OLFM2: variants seen among roughly 807,000 people sequenced by gnomAD.
OLFM2 encodes noelin-2.
In OLFM2, 20 loss-of-function variants were observed where a neutral mutation model predicts 43.9. That is an observed-to-expected ratio of 0.46 (90% CI 0.32 to 0.66). OLFM2 has a LOEUF of 0.66. Among genes scored for constraint, OLFM2 ranks in the 30% least tolerant of loss-of-function variants. The pLI is 0.04. For missense variants in OLFM2, 416 were observed against 643.6 expected (o/e 0.65, Z 3.83); for synonymous variants, 268 against 278.6 (o/e 0.96, Z 0.38).
chr19:9,918,724 G>A (rs1394996630), intron 1 of OLFM2, among the ~76,000 whole-genome samples: 1 of 152,164 alleles, frequency 6.6e-6, no homozygotes, highest in East Asian at 1.9e-4. Context: ...CAATGTGGAT[G>A]ATCCTCAAAA....
At position 9,857,435 on chromosome 19, in the gene OLFM2, C is replaced by G. The variant is rs1174760753; in HGVS notation, c.408G>C (p.Leu136=). The change falls in exon 4 of 6, where the codon CTG becomes CTC. Residue 136 remains leucine, a synonymous_variant. Transcript: ENST00000264833. This position sits in a 1 kb window ranked among gnomAD's most constrained non-coding sequence, Gnocchi z 5.7. ...TCCGCGTGTCTGCCTTGTACTGCTC[C>G]AGGACCGAGCTCAGGGGCAACAGTT... ...MTELLPLSSV[L]EQYKADTRTI... The G allele has an allele frequency of 6.2e-7, 1 of 1,614,162 alleles. No individual in the cohort carries two copies. The highest frequency in any genetic ancestry group is 2.2e-5 in the East Asian group (1 of 44,878).
At chr19:9,919,176 C>CCTTTTTTTTTTTT (rs2086403775) in intron 1 of OLFM2, among the ~76,000 whole-genome samples, 2 of 149,180 alleles carry the variant, frequency 1.3e-5, no homozygotes, top group African/African-American at 5.0e-5. Context: ...ATTTCTCTCT[C>CCTTTTTTTTTTTT]TTTTTTTTGA....
intron 1 of OLFM2, among the ~76,000 whole-genome samples, chr19:9,886,236 G>C (rs186952976): frequency 6.6e-6 from 1 of 152,008 alleles, no homozygotes; most frequent in Non-Finnish European, 1.5e-5. Context: ...ACAGAGTTTC[G>C]CTCTTGTTGC....
Position 9,865,648 on chromosome 19 carries a change from C to T in OLFM2, c.64-4854G>A, listed in dbSNP as rs113419589. Among the ~76,000 whole-genome samples the T allele has an allele frequency of 2.8e-3, 427 of 151,184 alleles. 5 individuals are homozygous for T. The highest frequency in any genetic ancestry group is 9.8e-3 in the African/African-American group (405 of 41,326). On this transcript the variant is annotated intron_variant, in intron 1 of 5. Transcript: ENST00000264833. ...CTGGGATTACAGGCATGCACCACCA[C>T]GCCTGGCTAATTTTTGTATTTTTAG...
In OLFM2 at chr19:9,877,535, A is replaced by AAAAT. The variant is rs71188850; in HGVS notation, c.64-16745_64-16742dup. 8.6e-3 allele frequency among the ~76,000 whole-genome samples: 1,268 copies of AAAAT among 147,546 alleles called. 40 individuals are homozygous for AAAAT. The East Asian group carries it at 0.11, about 13-fold the overall frequency. On this transcript the variant is annotated intron_variant, in intron 1 of 5. Transcript: ENST00000264833. Reference sequence around the variant, plus strand: ...GCAACAAGAGAGAAACTCTGTCTCAAAAATAAATAAATAAATAAATAAATA... The same window carrying AAAAT: ...GCAACAAGAGAGAAACTCTGTCTCAAAAATAAATAAATAAATAAATAAATAAATA...
chr19:9,876,532 G>A (rs1411091555), intron 1 of OLFM2, among the ~76,000 whole-genome samples: 3 of 152,118 alleles, frequency 2.0e-5, no homozygotes, highest in Non-Finnish European at 4.4e-5. Context: ...GCGCCCCTGC[G>A]GGTGGCAAGT....
At chr19:9,913,676 C>A in intron 1 of OLFM2, 2 of 1,106,050 alleles carry the variant, frequency 1.8e-6, no homozygotes, top group South Asian at 5.9e-5. Flanking sequence ...TGGCCCGCCG[C>A]GGGGCGCTCG....
chr19:9,875,282 G>A (rs1381446078), intron 1 of OLFM2, among the ~76,000 whole-genome samples: 1 of 152,144 alleles, frequency 6.6e-6, no homozygotes, highest in Non-Finnish European at 1.5e-5. Context: ...AGCAAGATGG[G>A]GTTTCTTCCT....
At chr19:9,889,590 T>A (rs1406163809) in intron 1 of OLFM2, among the ~76,000 whole-genome samples, 1 of 152,156 alleles carries the variant, frequency 6.6e-6, no homozygotes, top group Admixed American at 6.6e-5. Flanking sequence ...AGTGGCTGCA[T>A]CAGCCCGAAT....
At chr19:9,890,014 C>CG (rs1568377001) in intron 1 of OLFM2, among the ~76,000 whole-genome samples, 1 of 151,884 alleles carries the variant, frequency 6.6e-6, no homozygotes, top group Non-Finnish European at 1.5e-5. Flanking sequence ...AAGGAGGAGC[C>CG]GGGAGGAGAG....
intron 1 of OLFM2, among the ~76,000 whole-genome samples, chr19:9,864,520 C>T (rs1346743589): frequency 2.0e-5 from 3 of 152,042 alleles, no homozygotes; most frequent in African/African-American, 7.2e-5. Context: ...AGGCTGGTCT[C>T]GAACTCCTGG....
At chr19:9,892,291 A>G (rs1264478760) in intron 1 of OLFM2, among the ~76,000 whole-genome samples, 1 of 152,186 alleles carries the variant, frequency 6.6e-6, no homozygotes, top group Non-Finnish European at 1.5e-5. Context: ...GCATCACTCA[A>G]GTCTGTATCA....
chr19:9,867,010 C>CT (rs2046406949), intron 1 of OLFM2, among the ~76,000 whole-genome samples: 1 of 152,162 alleles, frequency 6.6e-6, no homozygotes, highest in African/African-American at 2.4e-5. Flanking sequence ...GCAGGGAAAG[C>CT]TGTTCTTGCT....
At chr19:9,914,977 A>AG (rs1232752549) in intron 1 of OLFM2, among the ~76,000 whole-genome samples, 1 of 151,460 alleles carries the variant, frequency 6.6e-6, no homozygotes, top group African/African-American at 2.4e-5. Context: ...ATGAGCGGGG[A>AG]GGGGGGCTAG....
intron 1 of OLFM2, among the ~76,000 whole-genome samples, chr19:9,917,777 C>G (rs2086394142): frequency 6.6e-6 from 1 of 152,090 alleles, no homozygotes; most frequent in Non-Finnish European, 1.5e-5. Context: ...TAACAAGACC[C>G]TCAGTGATAT....
intron 1 of OLFM2, among the ~76,000 whole-genome samples, chr19:9,922,315 A>G (rs1438472383): frequency 6.6e-6 from 1 of 152,184 alleles, no homozygotes. Flanking sequence ...TCAGTAAGAA[A>G]AAACCAGACA....
At chr19:9,926,594 TTTATA>T (rs149039297) in intron 1 of OLFM2, among the ~76,000 whole-genome samples, 18,644 of 151,748 alleles carry the variant, frequency 0.12, 3,496 homozygotes, top group African/African-American at 0.41. Context: ...AGTGATAAAT[TTTATA>T]TTATGTGTAT....
chr19:9,916,968 G>A (rs146385651), intron 1 of OLFM2, among the ~76,000 whole-genome samples: 215 of 152,188 alleles, frequency 1.4e-3, no homozygotes, highest in Non-Finnish European at 2.5e-3. Flanking sequence ...TGGCTGTGCC[G>A]TCGCTGTCTC....
rs918538 is a variant in OLFM2, at chr19:9,903,187, C to G, written c.63+33117G>C. 4.6e-5 allele frequency among the ~76,000 whole-genome samples: 7 copies of G among 152,010 alleles called. No individual in the cohort carries two copies. The South Asian group carries it at 1.4e-3, about 31-fold the overall frequency. On this transcript the variant is annotated intron_variant, in intron 1 of 5. Coordinates refer to ENST00000264833, the MANE Select transcript of OLFM2 (RefSeq NM_058164.4). ...GAGATAATAGGTATAAGCCACTGCA[C>G]CTGGCCATTGCTTTTATCCTGGATA...
Sources: allele counts gnomAD v4.1 joint callset (sites outside exome capture counted in the v4.1 genomes callset), GRCh38; gene constraint gnomAD v4.1.1; non-coding constraint Gnocchi (gnomAD v3.1); transcripts MANE v1.5; gene names NCBI Gene and HGNC (gene_info 2026-07-23, HGNC 2026-07-21).